The following RALGAPA1 variants were observed in gnomAD, a reference collection of about 807,000 sequenced individuals.
The protein encoded by RALGAPA1 is ral GTPase-activating protein subunit alpha-1.
A neutral mutation model predicts 269.6 loss-of-function variants in RALGAPA1; 52 were observed. The ratio of observed to expected loss-of-function variants is 0.19; its 90% CI spans 0.15 to 0.24. RALGAPA1 has a LOEUF of 0.24. RALGAPA1 is among the 10% of genes least tolerant of loss of function. The pLI, the probability that RALGAPA1 is intolerant of heterozygous loss-of-function variation, is 1.00. For synonymous variants in RALGAPA1, 817 were observed against 1,008.3 expected (o/e 0.81, Z 3.60); for missense variants, 1,917 against 3,013.9 (o/e 0.64, Z 8.52).
chr14:35,758,660 G>C (rs866373525), intron 6 of RALGAPA1, among the ~76,000 whole-genome samples: 1 of 152,074 alleles, frequency 6.6e-6, no homozygotes, highest in Non-Finnish European at 1.5e-5. Flanking sequence ...GATTGTTTGA[G>C]CCCAAGAGTT....
intron 37 of RALGAPA1, among the ~76,000 whole-genome samples, chr14:35,582,389 A>T (rs1207590763): frequency 3.3e-5 from 5 of 152,250 alleles, no homozygotes; most frequent in Non-Finnish European, 7.3e-5. Context: ...CAACAAATAA[A>T]ATGCCGAACA....
At chr14:35,662,346 A>G (rs1033996141) in intron 27 of RALGAPA1, among the ~76,000 whole-genome samples, 2 of 152,206 alleles carry the variant, frequency 1.3e-5, no homozygotes, top group Non-Finnish European at 2.9e-5. Flanking sequence ...ACACCATGGT[A>G]AGTTCCATGT....
intron 33 of RALGAPA1, among the ~76,000 whole-genome samples, chr14:35,632,175 C>T (rs1279754089): frequency 1.3e-5 from 2 of 152,104 alleles, no homozygotes; most frequent in East Asian, 3.8e-4. Flanking sequence ...TTTATTTATA[C>T]TTATTTTTGA....
chr14:35,650,596 A>G (rs2062761746), intron 31 of RALGAPA1, among the ~76,000 whole-genome samples: 1 of 152,190 alleles, frequency 6.6e-6, no homozygotes, highest in Non-Finnish European at 1.5e-5. Flanking sequence ...GTAGGAAAAG[A>G]AAAAACTATG....
At chr14:35,794,331 T>TA (rs1360360435) in intron 1 of RALGAPA1, among the ~76,000 whole-genome samples, 2 of 152,038 alleles carry the variant, frequency 1.3e-5, no homozygotes, top group Non-Finnish European at 2.9e-5. Flanking sequence ...ATTTTATATA[T>TA]ATCTATATAT....
chr14:35,567,534 C>T (rs2056813625), intron 39 of RALGAPA1, among the ~76,000 whole-genome samples: 1 of 151,872 alleles, frequency 6.6e-6, no homozygotes, highest in South Asian at 2.1e-4. Flanking sequence ...GTGACTTGGC[C>T]AAGATCACAA....
At position 35,750,501 on chromosome 14, in the gene RALGAPA1, A is replaced by G. The variant is rs756651393; in HGVS notation, c.992T>C (p.Val331Ala). 1 of 1,612,806 alleles carries G rather than the reference A, an allele frequency of 6.2e-7. No homozygotes were observed. The highest frequency in any genetic ancestry group is 2.2e-5 in the East Asian group (1 of 44,766). ...GPHIPGMEGEVLPKNIQRAAA... is the reference protein window; with the variant it reads ...GPHIPGMEGEALPKNIQRAAA... ...CATTACCTGAATATTCTTTGGCAAG[A>G]CTTCACCTTCCATCCCAGGAATATG... Residue 331 changes from valine to alanine, a missense_variant, in exon 9 of 42, where the codon GTC (valine) becomes GCC (alanine). By Grantham distance (64) the Val-to-Ala change is moderately conservative. Around this residue, in one of 11 missense-constraint regions of RALGAPA1, gnomAD observed 462 missense variants for 725.6 expected, o/e 0.64. Coordinates refer to ENST00000680220, the MANE Select transcript of RALGAPA1 (RefSeq NM_001346249.2).
rs2053767070 is a variant in RALGAPA1 at position 35,539,467 on chromosome 14, T to G, written c.*247A>C. ...AGAAACATGCATGTTATGGCAGACA[T>G]GAAGGCCTGAAAGGGTTAACCCTAT... is the stretch of plus-strand genomic sequence containing the variant. On this transcript the variant is annotated 3_prime_UTR_variant, in exon 42 of 42. Transcript: ENST00000680220. 1 of 1,414,834 alleles carries G rather than the reference T, an allele frequency of 7.1e-7. No homozygotes were observed. Among genetic ancestry groups the G allele is most frequent in the Non-Finnish European group, 9.3e-7 (1 of 1,073,984 alleles). 87.6% of individuals were successfully genotyped at this position (1,414,834 alleles called of 1,614,324 possible). A position where few individuals can be genotyped will look rare whatever the true frequency, so the allele number is the denominator to read the frequency against.
intron 5 of RALGAPA1, among the ~76,000 whole-genome samples, 198 bp downstream of exon 5, chr14:35,762,512 T>C (rs559243517): frequency 1.2e-4 from 19 of 152,296 alleles, no homozygotes; most frequent in Middle Eastern, 3.4e-3. Flanking sequence ...CACCTCAGCC[T>C]CCCAAAGTGC....
chr14:35,744,841 A>G (rs1161125724), intron 10 of RALGAPA1, among the ~76,000 whole-genome samples: 2 of 152,232 alleles, frequency 1.3e-5, no homozygotes, highest in Non-Finnish European at 2.9e-5. Context: ...TAAAATTTAA[A>G]ACATTAAAAT....
intron 33 of RALGAPA1, among the ~76,000 whole-genome samples, chr14:35,633,518 A>G (rs2061486270): frequency 6.6e-6 from 1 of 152,128 alleles, no homozygotes; most frequent in Non-Finnish European, 1.5e-5. Context: ...CACTTTTTCT[A>G]TGAAGGGCCA....
At chr14:35,711,040 T>A (rs1332297532) in intron 16 of RALGAPA1, among the ~76,000 whole-genome samples, 1 of 152,234 alleles carries the variant, frequency 6.6e-6, no homozygotes, top group Admixed American at 6.5e-5. Flanking sequence ...ATAATTAGCT[T>A]CACTTTCTTT....
At chr14:35,657,894 T>C (rs1025136517) in intron 28 of RALGAPA1, among the ~76,000 whole-genome samples, 6 of 152,094 alleles carry the variant, frequency 3.9e-5, no homozygotes, top group Non-Finnish European at 7.4e-5. Flanking sequence ...GGATGAAAAT[T>C]ATACCTGTCT....
chr14:35,554,317 T>A (rs2139180296), intron 39 of RALGAPA1, among the ~76,000 whole-genome samples: 1 of 151,772 alleles, frequency 6.6e-6, no homozygotes, highest in Admixed American at 6.6e-5. Flanking sequence ...CTTAGGCTTG[T>A]TCTTCTACTA....
At chr14:35,804,002 G>T (rs543815694) in intron 1 of RALGAPA1, among the ~76,000 whole-genome samples, 2 of 152,038 alleles carry the variant, frequency 1.3e-5, no homozygotes, top group Middle Eastern at 3.4e-3. Context: ...ACTCATCAAA[G>T]AAGTTATACA....
chr14:35,644,821 G>A (rs10142334), intron 31 of RALGAPA1, among the ~76,000 whole-genome samples: 16,954 of 152,098 alleles, frequency 0.11, 1,069 homozygotes, highest in Non-Finnish European at 0.14. Flanking sequence ...ATGTGGTGAC[G>A]GGTTGACAGG....
intron 35 of RALGAPA1, among the ~76,000 whole-genome samples, chr14:35,612,438 T>C (rs901869753): frequency 2.7e-5 from 4 of 146,292 alleles, no homozygotes; most frequent in African/African-American, 1.0e-4. Flanking sequence ...AAATGACTCA[T>C]AAATCAAAAA....
intron 31 of RALGAPA1, among the ~76,000 whole-genome samples, chr14:35,636,530 T>C (rs1257207264): frequency 6.6e-6 from 1 of 152,200 alleles, no homozygotes; most frequent in Non-Finnish European, 1.5e-5. Context: ...ATTTTTTTAA[T>C]TTTTATTTTT....
chr14:35,677,837 T>A (rs775280678), intron 22 of RALGAPA1, 113 bp downstream of exon 22: 1 of 1,022,406 alleles, frequency 9.8e-7, no homozygotes, highest in East Asian at 2.7e-5. Flanking sequence ...CTTAGAAAAG[T>A]CCAAAATATT....
Sources: allele counts gnomAD v4.1 joint callset (sites outside exome capture counted in the v4.1 genomes callset), GRCh38; gene constraint gnomAD v4.1.1; regional missense constraint gnomAD v4.1.1; transcripts MANE v1.5; gene names NCBI Gene and HGNC (gene_info 2026-07-23, HGNC 2026-07-21).